Variants in FCRL6 observed in about 807,000 individuals in gnomAD.
FCRL6 encodes the protein Fc receptor-like protein 6.
In FCRL6, 50 loss-of-function variants were observed where a neutral mutation model predicts 49.1. That is an observed-to-expected ratio of 1.02 (90% confidence interval 0.81 to 1.29). The LOEUF (loss-of-function observed/expected upper bound fraction) is 1.29. Among genes scored for constraint, FCRL6 ranks in the 50% most tolerant of loss-of-function variants. FCRL6 has a pLI of 0.00. For missense variants in FCRL6, 571 were observed against 518.5 expected (o/e 1.10, Z -0.98); for synonymous variants, 213 against 199.6 (o/e 1.07, Z -0.57).
chr1:159,815,623 C>T lies in FCRL6; in HGVS notation c.1267C>T (p.Gln423Ter), dbSNP rs61823162. The change falls in exon 10 of 10, where the codon CAA becomes TAA. Residue 423 changes from glutamine to a stop codon, truncating the protein, a stop_gained. Transcript: ENST00000368106. LOFTEE classifies it low-confidence loss of function (END_TRUNC). ...GGTGAATATGAGAAGCAGGACTCTCCAAGAACCCCTTAGCGACTGTGAGGA... is the reference window on the plus strand; with the variant it reads ...GGTGAATATGAGAAGCAGGACTCTCTAAGAACCCCTTAGCGACTGTGAGGA... ...TEVNMRSRTL[Q>*]EPLSDCEEVL... The T allele has an allele frequency of 0.12, 193,029 of 1,611,350 alleles. 13,023 individuals are homozygous for T. Among genetic ancestry groups the T allele is most frequent in the Non-Finnish European group, 0.14 (162,847 of 1,177,404 alleles).
chr1:159,804,480 G>T (rs941090945), intron 1 of FCRL6, among the ~76,000 whole-genome samples: 1 of 152,178 alleles, frequency 6.6e-6, no homozygotes, highest in South Asian at 2.1e-4. Context: ...ATTCTATTAC[G>T]CAACTTGGTT....
In FCRL6 at chr1:159,808,248, A is replaced by G. The variant is rs750427863; in HGVS notation, c.123A>G (p.Gly41=). ...EGDALTLRCQ[G]WKNTPLSQVK... is the part of the protein sequence containing the mutation. ...ATGCCCTGACTCTGCGATGTCAGGG[A>G]TGGAAGAATACACCACTGTCTCAGG... is the stretch of plus-strand genomic sequence containing the variant. The change falls in exon 3 of 10, where the codon GGA becomes GGG. Residue 41 remains glycine (G), a synonymous_variant. Transcript: ENST00000368106. The G allele has an allele frequency of 2.5e-6, 4 of 1,613,346 alleles. No individual in the cohort carries two copies. The highest frequency in any genetic ancestry group is 3.4e-6 in the Non-Finnish European group (4 of 1,179,240).
chr1:159,814,567 A>T (rs12083595), intron 8 of FCRL6, among the ~76,000 whole-genome samples: 1 of 152,006 alleles, frequency 6.6e-6, no homozygotes, highest in African/African-American at 2.4e-5. Flanking sequence ...CACTATATTC[A>T]CCATTCTCAA....
rs60865130 is a variant in FCRL6 at position 159,808,968 on chromosome 1, T to C, written c.327T>C (p.Phe109=). Residue 109 remains phenylalanine, a synonymous_variant, in exon 4 of 10, where the codon TTT becomes TTC. Coordinates refer to ENST00000368106, the MANE Select transcript of FCRL6 (RefSeq NM_001004310.3). ...GGGCCTGCATCTCCCCAGAGCTGTT[T>C]CCACCTCCTGTGCTGAGTGCCATCC... The part of the protein sequence containing the change: ...ETAMVQVQEL[F]PPPVLSAIPS... 8.9e-3 allele frequency: 14,263 copies of C among 1,605,640 alleles called. 971 individuals carry two copies. The African/African-American group carries it at 0.16, about 18-fold the overall frequency.
Position 159,814,268 on chromosome 1 carries a change from C to T in FCRL6, c.1123C>T (p.His375Tyr), listed in dbSNP as rs1277921999. Residue 375 changes from histidine to tyrosine, a missense_variant, in exon 8 of 10, where the codon CAT (histidine) becomes TAT (tyrosine). By Grantham distance (83) the His-to-Tyr change is moderately conservative (BLOSUM62 2). Coordinates refer to ENST00000368106, the MANE Select transcript of FCRL6 (RefSeq NM_001004310.3). The part of the protein sequence containing the change: ...KDEGVVYSVV[H>Y]RTSKRSEARS... Reference sequence around the variant, plus strand: ...TGAAGGTGTTGTCTACTCTGTGGTGCATAGAACCTCAAAGAGGAGTGAAGG... The same window carrying T: ...TGAAGGTGTTGTCTACTCTGTGGTGTATAGAACCTCAAAGAGGAGTGAAGG... 6 of 1,614,034 alleles carry T rather than the reference C, an allele frequency of 3.7e-6. No individual in the cohort carries two copies. The Admixed American group carries it at 1.0e-4, about 27-fold the overall frequency.
intron 1 of FCRL6, among the ~76,000 whole-genome samples, chr1:159,803,021 T>C (rs1360402929): frequency 6.6e-6 from 1 of 152,226 alleles, no homozygotes; most frequent in Non-Finnish European, 1.5e-5. Flanking sequence ...ACCAAAGCCC[T>C]TTTCAAATTG....
chr1:159,814,376 C>T, intron 8 of FCRL6, 84 bp downstream of exon 8: 3 of 936,962 alleles, frequency 3.2e-6, no homozygotes, highest in Admixed American at 3.7e-5. Flanking sequence ...ACTGTCATTA[C>T]CACTTTTATC....
intron 3 of FCRL6, 79 bp downstream of exon 3, chr1:159,808,523 G>A: frequency 6.4e-7 from 1 of 1,551,708 alleles, no homozygotes; most frequent in Non-Finnish European, 8.9e-7. Flanking sequence ...TAGCTCTCTG[G>A]GCTGGACCCC....
At chr1:159,813,627 A>T in intron 7 of FCRL6, 73 bp downstream of exon 7, 1 of 1,258,060 alleles carries the variant, frequency 7.9e-7, no homozygotes, top group Non-Finnish European at 1.2e-6. Flanking sequence ...GTAAGAAGGG[A>T]GCTCTCCAGA....
At chr1:159,812,726 T>C (rs181325875) in intron 6 of FCRL6, among the ~76,000 whole-genome samples, 88 of 152,336 alleles carry the variant, frequency 5.8e-4, no homozygotes, top group Non-Finnish European at 1.5e-4. Flanking sequence ...CATTTCCACA[T>C]ATCCTACCCA....
At chr1:159,806,560 TAC>T in intron 1 of FCRL6, 34 bp from the exon 2 acceptor site, 1 of 1,604,736 alleles carries the variant, frequency 6.2e-7, no homozygotes, top group Non-Finnish European at 8.5e-7. Context: ...CTCTTTTTGC[TAC>T]TTAACCTAAT....
chr1:159,810,306 C>A (rs1324966740), intron 6 of FCRL6, 90 bp downstream of exon 6: 1 of 1,471,736 alleles, frequency 6.8e-7, no homozygotes, highest in Non-Finnish European at 9.1e-7. Flanking sequence ...ACAGGACCAG[C>A]CACTCTCTTC....
Position 159,815,430 on chromosome 1 carries a change from A to T in FCRL6, c.1150A>T (p.Arg384Trp). 6.2e-7 allele frequency: 1 copy of T among 1,613,782 alleles called. No individual in the cohort carries two copies. The highest frequency in any genetic ancestry group is 8.5e-7 in the Non-Finnish European group (1 of 1,179,682). The change falls in exon 9 of 10, where the codon AGG becomes TGG. Residue 384 changes from arginine to tryptophan, a missense_variant and splice_region_variant. Arg to Trp is a moderately radical substitution (Grantham distance 101). Transcript: ENST00000368106. ...VHRTSKRSEARSAEFTVGRKD... is the reference protein window; with the variant it reads ...VHRTSKRSEAWSAEFTVGRKD... The stretch of plus-strand genomic sequence containing the variant: ...CTGAGCTCATTCTTTCCCCACAGCC[A>T]GGTCTGCTGAGTTCACCGTGGGGAG...
At chr1:159,803,325 C>T (rs1444351700) in intron 1 of FCRL6, among the ~76,000 whole-genome samples, 2 of 152,196 alleles carry the variant, frequency 1.3e-5, no homozygotes, top group Non-Finnish European at 2.9e-5. Context: ...CCAAGTGGAC[C>T]TACTTTTTGT....
At chr1:159,808,843 T>C in intron 3 of FCRL6, 118 bp from the exon 4 acceptor site, 1 of 1,039,788 alleles carries the variant, frequency 9.6e-7, no homozygotes, top group Non-Finnish European at 1.4e-6. Context: ...GGGATGAAAC[T>C]GCCTCCCATC....
intron 7 of FCRL6, among the ~76,000 whole-genome samples, chr1:159,813,979 G>GA (rs1428747825): frequency 6.6e-6 from 1 of 152,110 alleles, no homozygotes; most frequent in Non-Finnish European, 1.5e-5. Context: ...CTTTTTTACA[G>GA]AAAAATTTTG....
At chr1:159,813,442 C>A in intron 6 of FCRL6, 47 bp from the exon 7 acceptor site, 1 of 1,534,342 alleles carries the variant, frequency 6.5e-7, no homozygotes. Flanking sequence ...CCTGTCCCAC[C>A]TGCCCTCTAA....
chr1:159,808,775 C>T (rs769295336), intron 3 of FCRL6, 186 bp from the exon 4 acceptor site: 14 of 641,752 alleles, frequency 2.2e-5, no homozygotes, highest in South Asian at 4.1e-5. Flanking sequence ...TCCAGAAGGG[C>T]CTGGCTATGT....
At chr1:159,813,340 C>T in intron 6 of FCRL6, 149 bp from the exon 7 acceptor site, 2 of 628,554 alleles carry the variant, frequency 3.2e-6, no homozygotes, top group South Asian at 1.9e-5. Flanking sequence ...AAAAATCAAC[C>T]ATGTCCAGAC....
Sources: allele counts gnomAD v4.1 joint callset (sites outside exome capture counted in the v4.1 genomes callset), GRCh38; gene constraint gnomAD v4.1.1; transcripts MANE v1.5; gene names NCBI Gene and HGNC (gene_info 2026-07-23, HGNC 2026-07-21).